Variants in EIF3K observed in about 807,000 individuals in gnomAD.
EIF3K encodes the protein eIF-3 p28.
Under a neutral mutation model 34.2 loss-of-function variants are expected in EIF3K, and 27 were observed. The ratio of observed to expected loss-of-function variants is 0.79; its 90% CI spans 0.58 to 1.09. The LOEUF (loss-of-function observed/expected upper bound fraction) is 1.09, where lower values mean the gene tolerates loss of function less well. EIF3K is among the 50% of genes least tolerant of loss of function. The pLI is 0.00. For synonymous variants in EIF3K, 105 were observed against 105.7 expected (o/e 0.99, Z 0.04); for missense variants, 232 against 275.4 (o/e 0.84, Z 1.11).
Position 38,632,495 on chromosome 19 carries a change from G to C in EIF3K, c.420G>C (p.Lys140Asn). The change falls in exon 5 of 8, where the codon AAG becomes AAC. Residue 140 changes from lysine to asparagine, a missense_variant and splice_region_variant. Transcript: ENST00000248342. ...CTGGCTTTGAAGACTCTGTCCGAAA[G>C]TGTAAGTCCCTCTCTGAGGCTGGGC... ...GITGFEDSVR[K>N]FICHVVGITY... 6.2e-7 allele frequency: 1 copy of C among 1,614,214 alleles called. No homozygotes were observed. Among genetic ancestry groups the C allele is most frequent in the Non-Finnish European group, 8.5e-7 (1 of 1,180,028 alleles).
chr19:38,629,141 G>C (rs544995548), intron 4 of EIF3K, among the ~76,000 whole-genome samples: 3 of 152,022 alleles, frequency 2.0e-5, no homozygotes, highest in Non-Finnish European at 2.9e-5. Context: ...CAAAGAAAAT[G>C]ATCAAATGCT....
chr19:38,636,460 G>C (rs1008923105), intron 7 of EIF3K, among the ~76,000 whole-genome samples: 1 of 152,148 alleles, frequency 6.6e-6, no homozygotes, highest in African/African-American at 2.4e-5. Flanking sequence ...TACAGCCTGG[G>C]CAACAGAATG....
chr19:38,630,295 A>G (rs975549942), intron 4 of EIF3K, among the ~76,000 whole-genome samples: 6 of 151,356 alleles, frequency 4.0e-5, no homozygotes, highest in African/African-American at 1.5e-4. Context: ...CTGGGATTAC[A>G]GATTTCAGGC....
chr19:38,629,533 T>G (rs1473876188), intron 4 of EIF3K, among the ~76,000 whole-genome samples: 1 of 152,172 alleles, frequency 6.6e-6, no homozygotes, highest in Non-Finnish European at 1.5e-5. Flanking sequence ...TGGCCTCAAG[T>G]GATCCTCCTG....
In EIF3K at chr19:38,630,124, G is replaced by C. The variant is rs141040006; in HGVS notation, c.355-2306G>C. On this transcript the variant is annotated intron_variant, in intron 4 of 7. Transcript: ENST00000248342. ...GGCTACACTTAGAAGAATGGCTATA[G>C]CATGTGGGGTCAGTGCTCAAAGTGG... Among the ~76,000 whole-genome samples, 593 of 150,666 alleles carry C rather than the reference G, an allele frequency of 3.9e-3. 4 individuals are homozygous for C. Among genetic ancestry groups the C allele is most frequent in the African/African-American group, 0.014 (563 of 41,146 alleles).
chr19:38,636,749 C>T, intron 7 of EIF3K, 140 bp from the exon 8 acceptor site: 3 of 971,520 alleles, frequency 3.1e-6, no homozygotes, highest in Non-Finnish European at 3.3e-6. Flanking sequence ...AAATACTGCA[C>T]CAAACTGCCT....
At chr19:38,625,126 AT>A (rs1975921720) in intron 3 of EIF3K, among the ~76,000 whole-genome samples, 1 of 151,870 alleles carries the variant, frequency 6.6e-6, no homozygotes, top group South Asian at 2.1e-4. Context: ...CATAGGAATG[AT>A]TTAAGGTGGG....
chr19:38,632,621 A>G lies in EIF3K; in HGVS notation c.442A>G (p.Ile148Val). The change falls in exon 6 of 8, where the codon ATC (isoleucine) becomes GTC (valine). Residue 148 changes from isoleucine to valine, a missense_variant. Transcript: ENST00000248342. ...VRKFICHVVG[I>V]TYQHIDRWLL... ...CACAGTTATCTGCCATGTTGTGGGT[A>G]TCACTTACCAGCACATTGACCGCTG... 1 of 1,613,940 alleles carries G rather than the reference A, an allele frequency of 6.2e-7. No homozygotes were observed. Among genetic ancestry groups the G allele is most frequent in the Non-Finnish European group, 8.5e-7 (1 of 1,179,904 alleles).
chr19:38,631,407 T>C (rs1379809183), intron 4 of EIF3K, among the ~76,000 whole-genome samples: 1 of 152,194 alleles, frequency 6.6e-6, no homozygotes, highest in Non-Finnish European at 1.5e-5. Context: ...CAAAGGTCTC[T>C]GCATCATAAA....
intron 4 of EIF3K, among the ~76,000 whole-genome samples, chr19:38,627,304 AGT>A (rs1359775316): frequency 3.3e-5 from 5 of 151,962 alleles, no homozygotes; most frequent in Non-Finnish European, 7.4e-5. Flanking sequence ...CCAGTTTTGA[AGT>A]GTGTGTGTCG....
At position 38,626,008 on chromosome 19, in the gene EIF3K, T is replaced by C. The variant is rs1488926402; in HGVS notation, c.280-20T>C. On this transcript the variant is annotated intron_variant, in intron 3 of 7. Coordinates refer to ENST00000248342, the MANE Select transcript of EIF3K (RefSeq NM_013234.4). ...CCTTACGCTCCGAGGCCAGTTTTCC[T>C]TAATGCTTCCTCCTCCCAGCAAGAA... 2 of 1,614,062 alleles carry C rather than the reference T, an allele frequency of 1.2e-6. No homozygotes were observed. The highest frequency in any genetic ancestry group is 1.7e-5 in the Admixed American group (1 of 60,018).
chr19:38,634,067 G>A (rs920850485), intron 6 of EIF3K, among the ~76,000 whole-genome samples: 1 of 146,270 alleles, frequency 6.8e-6, no homozygotes, highest in Non-Finnish European at 1.5e-5. Flanking sequence ...GTGAGCCGCT[G>A]CATCCAGCCA....
At chr19:38,622,099 CTTTT>C (rs761519463) in intron 2 of EIF3K, among the ~76,000 whole-genome samples, 5 of 135,306 alleles carry the variant, frequency 3.7e-5, no homozygotes, top group Non-Finnish European at 6.4e-5. Flanking sequence ...TCTTTCTTTC[CTTTT>C]TTTTTTTTTT....
intron 3 of EIF3K, among the ~76,000 whole-genome samples, chr19:38,625,446 G>C (rs1975928948): frequency 6.6e-6 from 1 of 151,110 alleles, no homozygotes; most frequent in African/African-American, 2.4e-5. Context: ...GATTACAGAT[G>C]TGAGCCACCG....
At chr19:38,634,488 C>T (rs1976144184) in intron 6 of EIF3K, among the ~76,000 whole-genome samples, 2 of 151,628 alleles carry the variant, frequency 1.3e-5, no homozygotes, top group South Asian at 4.2e-4. Context: ...ATCCCAGCTA[C>T]TCGGGAGGCT....
At chr19:38,635,265 C>G in intron 7 of EIF3K, 147 bp downstream of exon 7, 1 of 1,164,916 alleles carries the variant, frequency 8.6e-7, no homozygotes, top group Non-Finnish European at 1.2e-6. Context: ...CACCTTGTGT[C>G]TTGGGGCTCC....
At chr19:38,633,556 G>A (rs1220549983) in intron 6 of EIF3K, among the ~76,000 whole-genome samples, 2 of 151,982 alleles carry the variant, frequency 1.3e-5, no homozygotes, top group Non-Finnish European at 2.9e-5. Flanking sequence ...AAAATTGCTG[G>A]GTGTGGTGGC....
In EIF3K at chr19:38,636,908, C is replaced by G. The variant is rs1239169852; in HGVS notation, c.645C>G (p.Ala215=). 1 of 1,614,056 alleles carries G rather than the reference C, an allele frequency of 6.2e-7. No individual in the cohort carries two copies. Among genetic ancestry groups the G allele is most frequent in the Non-Finnish European group, 8.5e-7 (1 of 1,180,052 alleles). ...IDFDSVSSIM[A]SSQ ...CCACAGGTGTGTCCAGCATCATGGC[C>G]TCCTCCCAGTAACTTCAGGTGTTTA... The change falls in exon 8 of 8, where the codon GCC becomes GCG. Residue 215 remains alanine, a synonymous_variant. Coordinates refer to ENST00000248342, the MANE Select transcript of EIF3K (RefSeq NM_013234.4).
At chr19:38,627,670 C>T (rs539787557) in intron 4 of EIF3K, among the ~76,000 whole-genome samples, 2 of 149,988 alleles carry the variant, frequency 1.3e-5, no homozygotes, top group East Asian at 2.0e-4. Context: ...AGTGAGACTC[C>T]GTCTCAAAAA....
Sources: allele counts gnomAD v4.1 joint callset (sites outside exome capture counted in the v4.1 genomes callset), GRCh38; gene constraint gnomAD v4.1.1; transcripts MANE v1.5; gene names NCBI Gene and HGNC (gene_info 2026-07-23, HGNC 2026-07-21).